Variants in DPP6 observed in about 807,000 individuals in gnomAD.
DPP6 encodes dipeptidyl peptidase like 6.
DPP6 carries 69 observed loss-of-function variants against 122.6 expected under a neutral mutation model. That is an observed-to-expected ratio of 0.56 (90% CI 0.46 to 0.69). DPP6 has a LOEUF of 0.69. Ranked by LOEUF, DPP6 falls within the 30% of genes least tolerant of loss-of-function variation. DPP6 has a pLI of 0.00. For missense variants in DPP6, 928 were observed against 1,116.9 expected (o/e 0.83, Z 2.41); for synonymous variants, 418 against 433.1 (o/e 0.97, Z 0.43).
chr7:154,748,102 G>A (rs1843121360), intron 8 of DPP6, among the ~76,000 whole-genome samples: 2 of 152,154 alleles, frequency 1.3e-5, no homozygotes, highest in Non-Finnish European at 2.9e-5. Context: ...AACTCCTCCC[G>A]CTTCCGGCAA....
At chr7:154,211,099 T>C (rs576866801) in intron 1 of DPP6, among the ~76,000 whole-genome samples, 6 of 152,138 alleles carry the variant, frequency 3.9e-5, no homozygotes, top group Non-Finnish European at 7.4e-5. Flanking sequence ...CCCAGATGCC[T>C]CTGTTAGTGC....
intron 1 of DPP6, among the ~76,000 whole-genome samples, chr7:153,919,382 G>GA (rs1301530197): frequency 1.4e-4 from 21 of 152,300 alleles, no homozygotes; most frequent in African/African-American, 5.1e-4. Flanking sequence ...GGGCCTGAAG[G>GA]AAAGCTGGTT....
intron 1 of DPP6, among the ~76,000 whole-genome samples, chr7:154,179,331 G>A (rs537454658): frequency 1.8e-4 from 28 of 152,192 alleles, no homozygotes; most frequent in Non-Finnish European, 3.4e-4. Context: ...GTCCAAGAAG[G>A]AAGTGCAGTG....
In DPP6 at chr7:154,845,714, A is replaced by G. The variant is rs553527273; in HGVS notation, c.1667-8066A>G. On this transcript the variant is annotated intron_variant, in intron 16 of 25. Coordinates refer to ENST00000377770, the MANE Select transcript of DPP6 (RefSeq NM_130797.4). ...ACTCAAAATTTCTAAAAATTCAAACATTTACCCATTAGAGTGGTTTTAAAA... is the reference window on the plus strand; with the variant it reads ...ACTCAAAATTTCTAAAAATTCAAACGTTTACCCATTAGAGTGGTTTTAAAA... Among the ~76,000 whole-genome samples the G allele has an allele frequency of 2.0e-5, 3 of 152,346 alleles. No homozygotes were observed. In the East Asian group the frequency reaches 5.8e-4, roughly 29 times the overall value.
At chr7:154,356,806 G>A (rs904657343) in intron 1 of DPP6, among the ~76,000 whole-genome samples, 4 of 152,056 alleles carry the variant, frequency 2.6e-5, no homozygotes, top group Non-Finnish European at 4.4e-5. Flanking sequence ...AATGTAAAAT[G>A]CAGACTGCAT....
intron 5 of DPP6, among the ~76,000 whole-genome samples, chr7:154,586,397 G>A (rs971503672): frequency 6.6e-6 from 1 of 152,152 alleles, no homozygotes; most frequent in Non-Finnish European, 1.5e-5. Flanking sequence ...AAACGCGCTT[G>A]TCCAATCTCA....
At chr7:153,943,224 C>T (rs1244500223) in intron 1 of DPP6, among the ~76,000 whole-genome samples, 1 of 152,188 alleles carries the variant, frequency 6.6e-6, no homozygotes, top group Non-Finnish European at 1.5e-5. Flanking sequence ...TCTCTAATGG[C>T]CAGCTCATGA....
chr7:154,750,486 G>A (rs774811822), intron 8 of DPP6, among the ~76,000 whole-genome samples: 13 of 152,256 alleles, frequency 8.5e-5, no homozygotes, highest in Non-Finnish European at 1.3e-4. Flanking sequence ...CAGGCACTGA[G>A]TGCGTGGGAA....
chr7:154,223,211 C>T (rs1368492857), intron 1 of DPP6, among the ~76,000 whole-genome samples: 3 of 149,020 alleles, frequency 2.0e-5, no homozygotes, highest in East Asian at 1.9e-4. Flanking sequence ...CATTGCAGAC[C>T]GTCTCTACCA....
At chr7:153,848,558 T>G in the DPP6 span, among the ~76,000 whole-genome samples, 2 of 152,192 alleles carry the variant, frequency 1.3e-5, no homozygotes, top group Non-Finnish European at 2.9e-5. Flanking sequence ...TCTAACTTAG[T>G]GCATTTCTGT....
At chr7:153,849,946 G>T in the DPP6 span, among the ~76,000 whole-genome samples, 433 of 151,916 alleles carry the variant, frequency 2.9e-3, 1 homozygote, top group Middle Eastern at 0.02. Flanking sequence ...TTATTTAATA[G>T]ATAAATTTGG....
chr7:153,806,302 C>T, the DPP6 span, among the ~76,000 whole-genome samples: 1 of 151,992 alleles, frequency 6.6e-6, no homozygotes, highest in Non-Finnish European at 1.5e-5. Context: ...TCATGGAAGT[C>T]CCCTATCCAG....
At chr7:154,189,620 T>A (rs1029768667) in intron 1 of DPP6, among the ~76,000 whole-genome samples, 1 of 152,156 alleles carries the variant, frequency 6.6e-6, no homozygotes, top group Non-Finnish European at 1.5e-5. Flanking sequence ...AAATACTACC[T>A]CTTAGACTCT....
At chr7:154,706,023 G>A (rs997962504) in intron 7 of DPP6, among the ~76,000 whole-genome samples, 2 of 152,196 alleles carry the variant, frequency 1.3e-5, no homozygotes, top group African/African-American at 2.4e-5. Context: ...ATGCAGCAAT[G>A]AGGGCGGTCA....
At chr7:154,294,942 C>T (rs767874045) in intron 1 of DPP6, among the ~76,000 whole-genome samples, 18 of 152,176 alleles carry the variant, frequency 1.2e-4, no homozygotes, top group African/African-American at 3.9e-4. Flanking sequence ...GCATCTGTCA[C>T]GCTGCCGTCG....
At chr7:154,023,357 C>CACACACACACACACACACACACACACAT (rs1563109429) in intron 1 of DPP6, among the ~76,000 whole-genome samples, 57 of 151,066 alleles carry the variant, frequency 3.8e-4, no homozygotes, top group African/African-American at 1.3e-3. Flanking sequence ...CACACACACA[C>CACACACACACACACACACACACACACAT]ACACTTCTTA....
chr7:154,676,713 T>A (rs950556262), intron 7 of DPP6, among the ~76,000 whole-genome samples: 3 of 152,186 alleles, frequency 2.0e-5, no homozygotes, highest in African/African-American at 7.2e-5. Context: ...GGGTGTTTAT[T>A]TTAAGGTGTA....
chr7:154,856,280 C>G (rs1220961462), intron 17 of DPP6, among the ~76,000 whole-genome samples: 2 of 152,084 alleles, frequency 1.3e-5, no homozygotes. Flanking sequence ...AATATAGTCC[C>G]TACTTTTGGG....
At chr7:153,843,011 TACAC>T in the DPP6 span, among the ~76,000 whole-genome samples, 10 of 151,622 alleles carry the variant, frequency 6.6e-5, no homozygotes, top group South Asian at 4.2e-4. Context: ...CATACACACA[TACAC>T]ACAAGCATGC....
Sources: allele counts gnomAD v4.1 joint callset (sites outside exome capture counted in the v4.1 genomes callset), GRCh38; gene constraint gnomAD v4.1.1; transcripts MANE v1.5; gene names NCBI Gene and HGNC (gene_info 2026-07-23, HGNC 2026-07-21).